Variants in SHROOM3 observed in about 807,000 individuals in gnomAD.
The protein encoded by SHROOM3 is protein Shroom3.
In SHROOM3, 47 loss-of-function variants were observed where a neutral mutation model predicts 138.6. That is an observed-to-expected ratio of 0.34 (90% CI 0.27 to 0.43). SHROOM3 has a LOEUF of 0.43. Ranked by LOEUF, SHROOM3 falls within the 20% of genes least tolerant of loss-of-function variation. The pLI, the probability that SHROOM3 is intolerant of heterozygous loss-of-function variation, is 1.00. For synonymous variants in SHROOM3, 1,062 were observed against 1,063.3 expected (o/e 1.00, Z 0.02); for missense variants, 2,491 against 2,596.5 (o/e 0.96, Z 0.88).
At position 76,569,087 on chromosome 4, in the gene SHROOM3, A is replaced by C. The variant is rs59688171; in HGVS notation, c.323+13324A>C. The stretch of plus-strand genomic sequence containing the variant: ...GCAGGTGCTGGCACCAGTTCTCAGC[A>C]TATATGTGCTGAATGGAGGCATTTC... On this transcript the variant is annotated intron_variant, in intron 2 of 10. Coordinates refer to ENST00000296043, the MANE Select transcript of SHROOM3 (RefSeq NM_020859.4). Among the ~76,000 whole-genome samples, 881 of 152,336 alleles carry C rather than the reference A, an allele frequency of 5.8e-3. 4 individuals carry two copies. Among genetic ancestry groups the C allele is most frequent in the African/African-American group, 0.02 (837 of 41,574 alleles).
intron 2 of SHROOM3, among the ~76,000 whole-genome samples, chr4:76,687,814 T>C (rs1719384619): frequency 6.6e-6 from 1 of 152,138 alleles, no homozygotes; most frequent in Admixed American, 6.5e-5. Context: ...AATCACCAAT[T>C]TACAGTGATG....
chr4:76,768,190 G>A (rs897349892), intron 9 of SHROOM3, among the ~76,000 whole-genome samples: 2 of 152,182 alleles, frequency 1.3e-5, no homozygotes, highest in South Asian at 4.1e-4. Flanking sequence ...CATTTGACTT[G>A]TCTTAACCCA....
chr4:76,567,532 C>T (rs1166741809), intron 2 of SHROOM3, among the ~76,000 whole-genome samples: 5 of 152,108 alleles, frequency 3.3e-5, no homozygotes, highest in African/African-American at 7.2e-5. Context: ...CGCCTGTAGT[C>T]CCAGCTACTT....
intron 2 of SHROOM3, among the ~76,000 whole-genome samples, chr4:76,674,198 T>G (rs139181998): frequency 0.028 from 4,298 of 152,290 alleles, 85 homozygotes; most frequent in Non-Finnish European, 0.045. Flanking sequence ...AAATTAGAAT[T>G]AAAAAGATGG....
chr4:76,441,753 G>C (rs1348636886), intron 1 of SHROOM3, among the ~76,000 whole-genome samples: 1 of 151,264 alleles, frequency 6.6e-6, no homozygotes, highest in Non-Finnish European at 1.5e-5. Flanking sequence ...ATAGAGTTTC[G>C]CTCTTGTTGC....
At chr4:76,500,742 A>C (rs558023857) in intron 1 of SHROOM3, among the ~76,000 whole-genome samples, 1 of 152,054 alleles carries the variant, frequency 6.6e-6, no homozygotes, top group African/African-American at 2.4e-5. Context: ...TTCATTGGCC[A>C]TTTGAATATC....
Position 76,705,051 on chromosome 4 carries a change from C to T in SHROOM3, c.324-5105C>T, listed in dbSNP as rs1054703454. ...TGGCTCAGTTCCGTGTCTTTTACTC[C>T]AGTTTCCCCAGCCTTCCCTAATTTG... On this transcript the variant is annotated intron_variant, in intron 2 of 10. Transcript: ENST00000296043. Among the ~76,000 whole-genome samples the T allele has an allele frequency of 1.4e-4, 22 of 152,180 alleles. 1 individual carries two copies. Among genetic ancestry groups the T allele is most frequent in the Admixed American group, 1.0e-3 (16 of 15,278 alleles).
At chr4:76,451,828 G>C (rs997350633) in intron 1 of SHROOM3, among the ~76,000 whole-genome samples, 5 of 152,166 alleles carry the variant, frequency 3.3e-5, no homozygotes, top group Non-Finnish European at 5.9e-5. Flanking sequence ...GATGAAAGAA[G>C]AATTTTTAAA....
chr4:76,767,569 C>T (rs539932649), intron 9 of SHROOM3, among the ~76,000 whole-genome samples: 195 of 152,104 alleles, frequency 1.3e-3, no homozygotes, highest in African/African-American at 4.6e-3. Flanking sequence ...CCCAGCTACT[C>T]GGGAGGCTGA....
In SHROOM3 at chr4:76,771,721, G is replaced by A. The variant is rs1044167800; in HGVS notation, c.5622+823G>A. Among the ~76,000 whole-genome samples the A allele has an allele frequency of 3.9e-4, 59 of 152,182 alleles. 1 individual carries two copies. Among genetic ancestry groups the A allele is most frequent in the Admixed American group, 3.7e-3 (57 of 15,282 alleles). ...CCTGTCAGGCACTGTGAGCTTATGC[G>A]CAGTCTCATGGAATCCTCACAACAG... On this transcript the variant is annotated intron_variant, in intron 10 of 10. Transcript: ENST00000296043.
At chr4:76,444,532 C>CG (rs1339082190) in intron 1 of SHROOM3, among the ~76,000 whole-genome samples, 1 of 127,582 alleles carries the variant, frequency 7.8e-6, no homozygotes, top group Non-Finnish European at 1.6e-5. Context: ...CTTGCTCTGT[C>CG]GCCCAGGCTG....
chr4:76,531,940 G>C (rs1205093777), intron 1 of SHROOM3, among the ~76,000 whole-genome samples: 1 of 150,246 alleles, frequency 6.7e-6, no homozygotes, highest in Non-Finnish European at 1.5e-5. Flanking sequence ...TAAGTTCCAG[G>C]GTACATGTGC....
rs1560563425 is a variant in SHROOM3, at chr4:76,608,688, C to CATAGCAT, written c.323+52926_323+52927insTAGCATA. On this transcript the variant is annotated intron_variant, in intron 2 of 10. Coordinates refer to ENST00000296043, the MANE Select transcript of SHROOM3 (RefSeq NM_020859.4). ...TAGCACAGCATAGCACAGCACAGCA[C>CATAGCAT]AGCACAGCACAGCACAGCACAGCAC... 2.7e-3 allele frequency among the ~76,000 whole-genome samples: 71 copies of CATAGCAT among 25,946 alleles called. 1 individual carries two copies. The highest frequency in any genetic ancestry group is 7.5e-3 in the African/African-American group (69 of 9,246). The allele number at this position is 25,946 out of a possible 152,430, so 17.0% of individuals were successfully genotyped here.
At chr4:76,738,149 A>G (rs1721132172) in intron 4 of SHROOM3, among the ~76,000 whole-genome samples, 1 of 152,058 alleles carries the variant, frequency 6.6e-6, no homozygotes, top group Non-Finnish European at 1.5e-5. Flanking sequence ...TCTGCCTCTC[A>G]TGAGCTTTTT....
chr4:76,536,942 A>G (rs1732965106), intron 1 of SHROOM3, among the ~76,000 whole-genome samples: 1 of 152,008 alleles, frequency 6.6e-6, no homozygotes, highest in South Asian at 2.1e-4. Flanking sequence ...GTGAAACCCC[A>G]TCTGTACTAA....
intron 2 of SHROOM3, among the ~76,000 whole-genome samples, chr4:76,632,357 A>T (rs966994058): frequency 6.6e-6 from 1 of 152,216 alleles, no homozygotes; most frequent in Admixed American, 6.5e-5. Flanking sequence ...TCATGAGGAG[A>T]TGGACCCAGC....
At chr4:76,535,367 T>A (rs1732929513) in intron 1 of SHROOM3, among the ~76,000 whole-genome samples, 1 of 152,186 alleles carries the variant, frequency 6.6e-6, no homozygotes, top group African/African-American at 2.4e-5. Flanking sequence ...TCCCCCATAT[T>A]TGATATTTAA....
chr4:76,624,337 T>G lies in SHROOM3; in HGVS notation c.323+68574T>G, dbSNP rs182901459. ...GATGCTGTGTCTGCTCTTGGTCTTG[T>G]GGCTTTAACACCGAAGAGCTGTTGT... On this transcript the variant is annotated intron_variant, in intron 2 of 10. Coordinates refer to ENST00000296043, the MANE Select transcript of SHROOM3 (RefSeq NM_020859.4). Among the ~76,000 whole-genome samples the G allele has an allele frequency of 5.9e-3, 900 of 152,274 alleles. 6 individuals carry two copies. Among genetic ancestry groups the G allele is most frequent in the African/African-American group, 0.021 (857 of 41,556 alleles).
At chr4:76,735,577 C>T (rs966495505) in intron 4 of SHROOM3, among the ~76,000 whole-genome samples, 5 of 151,700 alleles carry the variant, frequency 3.3e-5, no homozygotes, top group African/African-American at 9.7e-5. Flanking sequence ...CGGTGGCTCA[C>T]GCCTGTAATC....
Sources: gnomAD v4.1 joint callset for allele counts (sites outside exome capture counted in the v4.1 genomes callset) on GRCh38, gnomAD v4.1.1 for gene constraint, MANE v1.5 for transcripts, NCBI Gene and HGNC (gene_info 2026-07-23, HGNC 2026-07-21) for gene names.